DISC1: variants seen among roughly 807,000 people sequenced by gnomAD.
DISC1 encodes the protein DISC1 scaffold protein.
In DISC1, 57 loss-of-function variants were observed where a neutral mutation model predicts 84.5. The ratio of observed to expected loss-of-function variants is 0.67; its 90% CI spans 0.55 to 0.84. The LOEUF is 0.84. DISC1 is among the 40% of genes least tolerant of loss of function. DISC1 has a pLI of 0.00. For synonymous variants in DISC1, 411 were observed against 415.2 expected, an observed-to-expected ratio of 0.99 and a Z score of 0.12; for missense variants, 1,000 against 1,057.8, an observed-to-expected ratio of 0.95 and a Z score of 0.76.
rs2065740784 is a variant in DISC1, at chr1:231,696,591, A to G, written c.1047+1786A>G. On this transcript the variant is annotated intron_variant, in intron 2 of 12. Coordinates refer to ENST00000439617, the MANE Select transcript of DISC1 (RefSeq NM_018662.3). ...CTTCAATTACACTCATGTACTGCAT[A>G]ATGACATTTTGGCCAATGACGGATC... is the stretch of plus-strand genomic sequence containing the variant. Among the ~76,000 whole-genome samples, 3 of 152,324 alleles carry G rather than the reference A, an allele frequency of 2.0e-5. 1 individual carries two copies. The highest frequency in any genetic ancestry group is 4.4e-5 in the Non-Finnish European group (3 of 68,022).
At chr1:231,830,927 C>A (rs546717071) in intron 9 of DISC1, among the ~76,000 whole-genome samples, 64 of 152,290 alleles carry the variant, frequency 4.2e-4, no homozygotes, top group African/African-American at 1.4e-3. Context: ...TCACTGAATA[C>A]TAAGAGCCTG....
chr1:231,994,704 G>A (rs903400956), intron 10 of DISC1, among the ~76,000 whole-genome samples: 2 of 152,150 alleles, frequency 1.3e-5, no homozygotes, highest in African/African-American at 2.4e-5. Flanking sequence ...GGATGATGAG[G>A]ATGATGATGA....
intron 3 of DISC1, among the ~76,000 whole-genome samples, chr1:231,729,347 G>A (rs2071209082): frequency 6.6e-6 from 1 of 152,156 alleles, no homozygotes; most frequent in African/African-American, 2.4e-5. Flanking sequence ...AATCCTTTGG[G>A]TATATACCCA....
Position 231,897,582 on chromosome 1 carries a change from C to T in DISC1, c.1982-61246C>T, listed in dbSNP as rs1217814452. ...TGGCATCTGAAAAACTTTGCGGCAGCATTTTACAGCCATTTATTGTAGAGT... is the reference window on the plus strand; with the variant it reads ...TGGCATCTGAAAAACTTTGCGGCAGTATTTTACAGCCATTTATTGTAGAGT... On this transcript the variant is annotated intron_variant, in intron 9 of 12. Coordinates refer to ENST00000439617, the MANE Select transcript of DISC1 (RefSeq NM_018662.3). The surrounding 1 kb of genome is among the most constrained non-coding windows in gnomAD (Gnocchi z 4.5). Among the ~76,000 whole-genome samples the T allele has an allele frequency of 1.3e-5, 2 of 152,052 alleles. No individual in the cohort carries two copies. The highest frequency in any genetic ancestry group is 2.9e-5 in the Non-Finnish European group (2 of 68,022).
intron 12 of DISC1, among the ~76,000 whole-genome samples, chr1:232,035,464 G>A (rs906980109): frequency 2.0e-5 from 3 of 152,112 alleles, no homozygotes; most frequent in African/African-American, 4.8e-5. Flanking sequence ...AAAAAAGAAA[G>A]GGAAAGCTTT....
chr1:231,713,816 A>AT (rs1344179740), intron 3 of DISC1, among the ~76,000 whole-genome samples: 3 of 144,410 alleles, frequency 2.1e-5, no homozygotes, highest in African/African-American at 7.7e-5. Flanking sequence ...TAGGAGATAT[A>AT]TATATAGGAG....
At chr1:231,865,594 AT>A (rs1396829218) in intron 9 of DISC1, among the ~76,000 whole-genome samples, 4 of 152,236 alleles carry the variant, frequency 2.6e-5, no homozygotes, top group Non-Finnish European at 5.9e-5. Flanking sequence ...CACCCATTAA[AT>A]AATAACTTCT....
At chr1:231,996,112 T>C (rs1665915239) in intron 10 of DISC1, among the ~76,000 whole-genome samples, 1 of 152,264 alleles carries the variant, frequency 6.6e-6, no homozygotes, top group Admixed American at 6.5e-5. Flanking sequence ...CGTTTTTTCA[T>C]GTGTCTTTTG....
chr1:231,976,472 G>C (rs1320348907), intron 10 of DISC1, among the ~76,000 whole-genome samples: 1 of 152,126 alleles, frequency 6.6e-6, no homozygotes, highest in African/African-American at 2.4e-5. Context: ...CTTTGGGACA[G>C]AAAAAGGAAG....
intron 9 of DISC1, among the ~76,000 whole-genome samples, chr1:231,906,716 C>T: frequency 6.6e-6 from 1 of 152,022 alleles, no homozygotes; most frequent in Non-Finnish European, 1.5e-5. Flanking sequence ...CTTATTGCTC[C>T]ACCGTGCTTT....
At chr1:231,691,685 T>C (rs1372052397) in intron 1 of DISC1, among the ~76,000 whole-genome samples, 3 of 152,260 alleles carry the variant, frequency 2.0e-5, no homozygotes, top group African/African-American at 7.2e-5. Context: ...TTTCCTTTGG[T>C]AATTGAAGCC....
chr1:231,776,966 C>G (rs369564917), intron 6 of DISC1, among the ~76,000 whole-genome samples: 1 of 152,142 alleles, frequency 6.6e-6, no homozygotes, highest in Non-Finnish European at 1.5e-5. Flanking sequence ...ACTGGAGTCA[C>G]GCACAGACTG....
chr1:231,878,386 A>C (rs1244909716), intron 9 of DISC1, among the ~76,000 whole-genome samples: 1 of 152,128 alleles, frequency 6.6e-6, no homozygotes, highest in African/African-American at 2.4e-5. Flanking sequence ...ACAGATGGGG[A>C]GAAAAGAGCA....
At chr1:231,810,240 C>A (rs1269226387) in intron 8 of DISC1, among the ~76,000 whole-genome samples, 1 of 152,190 alleles carries the variant, frequency 6.6e-6, no homozygotes, top group Non-Finnish European at 1.5e-5. Context: ...CAGACCTACA[C>A]AGTGCTCCTG....
intron 9 of DISC1, among the ~76,000 whole-genome samples, chr1:231,866,867 G>A (rs1168013393): frequency 3.3e-5 from 5 of 152,182 alleles, no homozygotes; most frequent in African/African-American, 1.2e-4. Context: ...GGGCGCTGTG[G>A]CAAAGCTTAC....
chr1:231,837,926 G>T (rs1481390530), intron 9 of DISC1, among the ~76,000 whole-genome samples: 3 of 152,132 alleles, frequency 2.0e-5, no homozygotes, highest in African/African-American at 7.2e-5. Context: ...TTCTTTGTAT[G>T]AATGCCCTTT....
Position 232,038,449 on chromosome 1 carries a change from A to G in DISC1, c.*1618A>G, listed in dbSNP as rs1670652443. 6.6e-6 allele frequency: 1 copy of G among 152,186 alleles called. No individual in the cohort carries two copies. The highest frequency in any genetic ancestry group is 1.9e-4 in the East Asian group (1 of 5,188). The allele number at this position is 152,186 out of a possible 1,614,324, so 9.4% of individuals were successfully genotyped here. A position where few individuals can be genotyped will look rare whatever the true frequency, so the allele number is the denominator to read the frequency against. ...CTCTGGTCAAGTACCTTTGGTAAAT[A>G]CACCATACCATAATATCTGCTTGGA... On this transcript the variant is annotated 3_prime_UTR_variant, in exon 13 of 13. Coordinates refer to ENST00000439617, the MANE Select transcript of DISC1 (RefSeq NM_018662.3).
At chr1:231,931,731 C>G (rs905463026) in intron 9 of DISC1, among the ~76,000 whole-genome samples, 6 of 151,686 alleles carry the variant, frequency 4.0e-5, no homozygotes, top group Non-Finnish European at 8.8e-5. Context: ...TCACTGCAGC[C>G]TTAAACTCTT....
At chr1:232,019,560 A>G (rs1414760309) in intron 11 of DISC1, among the ~76,000 whole-genome samples, 3 of 152,162 alleles carry the variant, frequency 2.0e-5, no homozygotes, top group African/African-American at 7.2e-5. Context: ...TCAGTCTTGC[A>G]GGCTTTCTCT....
Sources: allele counts gnomAD v4.1 joint callset (sites outside exome capture counted in the v4.1 genomes callset), GRCh38; gene constraint gnomAD v4.1.1; non-coding constraint Gnocchi (gnomAD v3.1); transcripts MANE v1.5; gene names NCBI Gene and HGNC (gene_info 2026-07-23, HGNC 2026-07-21).